The following OR52I1 variants were observed in gnomAD, a reference collection of about 807,000 sequenced individuals.
OR52I1 encodes olfactory receptor 52I1.
For missense variants in OR52I1, 342 were observed against 399.1 expected (o/e 0.86, Z 1.22); for synonymous variants, 148 against 152.4 (o/e 0.97, Z 0.21).
At position 4,594,373 on chromosome 11, in the gene OR52I1, C is replaced by T. The variant is rs550421961; in HGVS notation, c.335C>T (p.Thr112Ile). ...FTQMFFVHLATAVETGLLLTM... is the reference protein window; with the variant it reads ...FTQMFFVHLAIAVETGLLLTM... ...CAGATGTTTTTTGTCCACTTAGCCA[C>T]AGCTGTGGAGACGGGGCTGCTGCTG... Residue 112 changes from threonine (T) to isoleucine (I), a missense_variant, in exon 1 of 1, where the codon ACA (threonine) becomes ATA (isoleucine). Physicochemically the swap from Thr to Ile is moderately conservative, Grantham distance 89. Transcript: ENST00000530443. 6.2e-7 allele frequency: 1 copy of T among 1,614,188 alleles called. No individual in the cohort carries two copies. Among genetic ancestry groups the T allele is most frequent in the East Asian group, 2.2e-5 (1 of 44,872 alleles).
rs1248083732 is a variant in OR52I1, at chr11:4,594,397, T to C, written c.359T>C (p.Leu120Pro). ...LATAVETGLL[L>P]TMAFDRYVAI... ...ACAGCTGTGGAGACGGGGCTGCTGCTGACCATGGCTTTTGACCGCTATGTA... is the reference window on the plus strand; with the variant it reads ...ACAGCTGTGGAGACGGGGCTGCTGCCGACCATGGCTTTTGACCGCTATGTA... The change falls in exon 1 of 1, where the codon CTG becomes CCG. Residue 120 changes from leucine (L) to proline (P), a missense_variant. Physicochemically the swap from Leu to Pro is moderately conservative, Grantham distance 98 (BLOSUM62 -3). Transcript: ENST00000530443. The C allele has an allele frequency of 5.0e-6, 8 of 1,614,176 alleles. No individual in the cohort carries two copies. Among genetic ancestry groups the C allele is most frequent in the Admixed American group, 1.7e-5 (1 of 60,022 alleles).
chr11:4,594,935 G>C lies in OR52I1; in HGVS notation c.897G>C (p.Met299Ile), dbSNP rs1352663981. Residue 299 changes from methionine (M) to isoleucine (I), a missense_variant, in exon 1 of 1, where the codon ATG becomes ATC. Transcript: ENST00000530443. Reference sequence around the variant, plus strand: ...CTTTAAATCCCATCATCTATGGCATGAGGACCAAACAATTGCTGGAGGGAA... The same window carrying C: ...CTTTAAATCCCATCATCTATGGCATCAGGACCAAACAATTGCTGGAGGGAA... Reference protein sequence around the residue: ...PATLNPIIYGMRTKQLLEGIW... With the variant: ...PATLNPIIYGIRTKQLLEGIW... The C allele has an allele frequency of 6.2e-7, 1 of 1,614,200 alleles. No individual in the cohort carries two copies.
rs773567760 is a variant in OR52I1, at chr11:4,594,469, T to C, written c.431T>C (p.Val144Ala). Residue 144 changes from valine (V) to alanine (A), a missense_variant, in exon 1 of 1, where the codon GTG (valine) becomes GCG (alanine). Val to Ala is a moderately conservative substitution (Grantham distance 64). Coordinates refer to ENST00000530443, the MANE Select transcript of OR52I1 (RefSeq NM_001005169.1). ...TACAAGAGAATTCTCACGCCTCAAG[T>C]GATGCTGGGAATGAGTATGGCCGTC... The part of the protein sequence containing the change: ...LHYKRILTPQ[V>A]MLGMSMAVTI... 6 of 1,614,056 alleles carry C rather than the reference T, an allele frequency of 3.7e-6. No individual in the cohort carries two copies. In the Admixed American group the frequency reaches 6.7e-5, roughly 18 times the overall value.
At position 4,594,385 on chromosome 11, in the gene OR52I1, C is replaced by T. The variant is rs374480881; in HGVS notation, c.347C>T (p.Thr116Met). 41 of 1,613,950 alleles carry T rather than the reference C, an allele frequency of 2.5e-5. 1 individual carries two copies. Among genetic ancestry groups the T allele is most frequent in the South Asian group, 2.0e-4 (18 of 91,090 alleles). The change falls in exon 1 of 1, where the codon ACG becomes ATG. Residue 116 changes from threonine to methionine, a missense_variant. Coordinates refer to ENST00000530443, the MANE Select transcript of OR52I1 (RefSeq NM_001005169.1). ...FFVHLATAVE[T>M]GLLLTMAFDR... is the part of the protein sequence containing the mutation. The stretch of plus-strand genomic sequence containing the variant: ...GTCCACTTAGCCACAGCTGTGGAGA[C>T]GGGGCTGCTGCTGACCATGGCTTTT...
rs1382546892 is a variant in OR52I1 at position 4,594,732 on chromosome 11, C to A, written c.694C>A (p.Leu232Ile). 4.3e-6 allele frequency: 7 copies of A among 1,614,112 alleles called. No homozygotes were observed. Among genetic ancestry groups the A allele is most frequent in the South Asian group, 1.1e-5 (1 of 91,082 alleles). Residue 232 changes from leucine (L) to isoleucine (I), a missense_variant, in exon 1 of 1, where the codon CTC becomes ATC. By Grantham distance (5) the Leu-to-Ile change is conservative (BLOSUM62 2). Transcript: ENST00000530443. The stretch of plus-strand genomic sequence containing the variant: ...CTTAATTCTCAGGGCAGTATTTGAT[C>A]TCTCCTCAAAGACTGCTCAGTTGAA... The part of the protein sequence containing the change: ...YILILRAVFD[L>I]SSKTAQLKAL...
At position 4,594,299 on chromosome 11, in the gene OR52I1, C is replaced by A; in HGVS notation, c.261C>A (p.Ser87Arg). The A allele has an allele frequency of 6.2e-7, 1 of 1,614,142 alleles. No individual in the cohort carries two copies. The highest frequency in any genetic ancestry group is 8.5e-7 in the Non-Finnish European group (1 of 1,180,032). ...MASSVVPKMVSIFCSGDSSIS... is the reference protein window; with the variant it reads ...MASSVVPKMVRIFCSGDSSIS... ...CCTCCGTGGTACCCAAGATGGTGAG[C>A]ATCTTCTGCTCGGGAGACAGCTCCA... Residue 87 changes from serine to arginine, a missense_variant, in exon 1 of 1, where the codon AGC becomes AGA. Ser to Arg is a moderately radical substitution (Grantham distance 110). Transcript: ENST00000530443.
At position 4,594,841 on chromosome 11, in the gene OR52I1, T is replaced by G; in HGVS notation, c.803T>G (p.Leu268Trp). ...ATGGCATCCATCTATGCGGCCTGGT[T>G]GGGGCAGGATATAGTGCCCTTGCAC... ...PGMASIYAAWLGQDIVPLHTQ... is the reference protein window; with the variant it reads ...PGMASIYAAWWGQDIVPLHTQ... The change falls in exon 1 of 1, where the codon TTG (leucine) becomes TGG (tryptophan). Residue 268 changes from leucine (L) to tryptophan (W), a missense_variant. Coordinates refer to ENST00000530443, the MANE Select transcript of OR52I1 (RefSeq NM_001005169.1). 1.9e-6 allele frequency: 3 copies of G among 1,614,256 alleles called. No individual in the cohort carries two copies. Among genetic ancestry groups the G allele is most frequent in the Non-Finnish European group, 2.5e-6 (3 of 1,180,046 alleles).
Position 4,594,320 on chromosome 11 carries a change from C to G in OR52I1, c.282C>G (p.Ser94Arg). The G allele has an allele frequency of 6.2e-7, 1 of 1,614,214 alleles. No homozygotes were observed. Among genetic ancestry groups the G allele is most frequent in the Non-Finnish European group, 8.5e-7 (1 of 1,180,046 alleles). The change falls in exon 1 of 1, where the codon AGC (serine) becomes AGG (arginine). Residue 94 changes from serine to arginine, a missense_variant. Ser to Arg is a moderately radical substitution (Grantham distance 110). Transcript: ENST00000530443. The stretch of plus-strand genomic sequence containing the variant: ...TGAGCATCTTCTGCTCGGGAGACAG[C>G]TCCATCAGCTTTAGTGCTTGTTTCA... ...KMVSIFCSGDSSISFSACFTQ... is the reference protein window; with the variant it reads ...KMVSIFCSGDRSISFSACFTQ...
chr11:4,594,666 A>T lies in OR52I1; in HGVS notation c.628A>T (p.Met210Leu). The change falls in exon 1 of 1, where the codon ATG becomes TTG. Residue 210 changes from methionine to leucine, a missense_variant. Coordinates refer to ENST00000530443, the MANE Select transcript of OR52I1 (RefSeq NM_001005169.1). The stretch of plus-strand genomic sequence containing the variant: ...CTACAGTCTGATTGGTTCCTCTCTT[A>T]TGGTGGGCTCTGATGTGGCCTTCAT... ...SLYSLIGSSL[M>L]VGSDVAFIAA... The T allele has an allele frequency of 6.2e-7, 1 of 1,614,150 alleles. No homozygotes were observed. Among genetic ancestry groups the T allele is most frequent in the Non-Finnish European group, 8.5e-7 (1 of 1,180,014 alleles).
rs1428163916 is a variant in OR52I1, at chr11:4,594,836, C to T, written c.798C>T (p.Ala266=). 3 of 1,614,226 alleles carry T rather than the reference C, an allele frequency of 1.9e-6. No homozygotes were observed. The Admixed American group carries it at 5.0e-5, about 27-fold the overall frequency. Residue 266 remains alanine, a synonymous_variant, in exon 1 of 1, where the codon GCC becomes GCT. Transcript: ENST00000530443. ...YLPGMASIYA[A]WLGQDIVPLH... is the part of the protein sequence containing the mutation. Reference sequence around the variant, plus strand: ...CTGGGATGGCATCCATCTATGCGGCCTGGTTGGGGCAGGATATAGTGCCCT... The same window carrying T: ...CTGGGATGGCATCCATCTATGCGGCTTGGTTGGGGCAGGATATAGTGCCCT...
rs756125949 is a variant in OR52I1, at chr11:4,594,295, T to G, written c.257T>G (p.Val86Gly). Residue 86 changes from valine (V) to glycine (G), a missense_variant, in exon 1 of 1, where the codon GTG becomes GGG. By Grantham distance (109) the Val-to-Gly change is moderately radical (BLOSUM62 -3). Coordinates refer to ENST00000530443, the MANE Select transcript of OR52I1 (RefSeq NM_001005169.1). ...VMASSVVPKM[V>G]SIFCSGDSSI... ...GCCTCCTCCGTGGTACCCAAGATGG[T>G]GAGCATCTTCTGCTCGGGAGACAGC... 6.2e-7 allele frequency: 1 copy of G among 1,614,206 alleles called. No individual in the cohort carries two copies. Among genetic ancestry groups the G allele is most frequent in the Non-Finnish European group, 8.5e-7 (1 of 1,180,042 alleles).
At position 4,594,638 on chromosome 11, in the gene OR52I1, T is replaced by A. The variant is rs751369320; in HGVS notation, c.600T>A (p.Ser200Arg). Residue 200 changes from serine (S) to arginine (R), a missense_variant, in exon 1 of 1, where the codon AGT becomes AGA. Coordinates refer to ENST00000530443, the MANE Select transcript of OR52I1 (RefSeq NM_001005169.1). ...RLACADPVPSSLYSLIGSSLM... is the reference protein window; with the variant it reads ...RLACADPVPSRLYSLIGSSLM... ...CATGTGCTGACCCCGTGCCCAGCAG[T>A]CTCTACAGTCTGATTGGTTCCTCTC... 1.2e-6 allele frequency: 2 copies of A among 1,614,198 alleles called. No homozygotes were observed. The highest frequency in any genetic ancestry group is 3.3e-5 in the Admixed American group (2 of 60,024).
Position 4,594,706 on chromosome 11 carries a change from T to C in OR52I1, c.668T>C (p.Ile223Thr), listed in dbSNP as rs1233660025. The change falls in exon 1 of 1, where the codon ATC becomes ACC. Residue 223 changes from isoleucine to threonine, a missense_variant. By Grantham distance (89) the Ile-to-Thr change is moderately conservative. Coordinates refer to ENST00000530443, the MANE Select transcript of OR52I1 (RefSeq NM_001005169.1). ...SDVAFIAASY[I>T]LILRAVFDLS... ...GTGGCCTTCATTGCTGCCTCCTATATCTTAATTCTCAGGGCAGTATTTGAT... is the reference window on the plus strand; with the variant it reads ...GTGGCCTTCATTGCTGCCTCCTATACCTTAATTCTCAGGGCAGTATTTGAT... The C allele has an allele frequency of 3.1e-6, 5 of 1,614,038 alleles. No individual in the cohort carries two copies. Among genetic ancestry groups the C allele is most frequent in the Non-Finnish European group, 3.4e-6 (4 of 1,179,980 alleles).
chr11:4,594,131 G>T lies in OR52I1; in HGVS notation c.93G>T (p.Leu31=). The change falls in exon 1 of 1, where the codon CTG becomes CTT. Residue 31 remains leucine (L), a synonymous_variant. Coordinates refer to ENST00000530443, the MANE Select transcript of OR52I1 (RefSeq NM_001005169.1). ...GACTGCAATCTTCACATCTTTGGCT[G>T]GCTATCTCACTGAGTGCCATGTACA... ...IPGLQSSHLW[L]AISLSAMYIT... The T allele has an allele frequency of 6.2e-7, 1 of 1,613,976 alleles. No homozygotes were observed. The highest frequency in any genetic ancestry group is 8.5e-7 in the Non-Finnish European group (1 of 1,179,892).
In OR52I1 at chr11:4,594,800, G is replaced by C; in HGVS notation, c.762G>C (p.Leu254Phe). ...GCTCCCATGTGGGGGTTATGGCTTT[G>C]TACTATCTACCTGGGATGGCATCCA... ...TCGSHVGVMA[L>F]YYLPGMASIY... The change falls in exon 1 of 1, where the codon TTG becomes TTC. Residue 254 changes from leucine (L) to phenylalanine (F), a missense_variant. By Grantham distance (22) the Leu-to-Phe change is conservative (BLOSUM62 0). Transcript: ENST00000530443. The C allele has an allele frequency of 1.2e-6, 2 of 1,614,224 alleles. No homozygotes were observed. The highest frequency in any genetic ancestry group is 1.1e-5 in the South Asian group (1 of 91,086).
Position 4,594,209 on chromosome 11 carries a change from C to T in OR52I1, c.171C>T (p.Ser57=), listed in dbSNP as rs747125790. 4 of 1,614,034 alleles carry T rather than the reference C, an allele frequency of 2.5e-6. No individual in the cohort carries two copies. The Admixed American group carries it at 6.7e-5, about 27-fold the overall frequency. ...TCGTGACTGCAATCTGGATGGATTC[C>T]ACTCGGCATGAGCCCATGTATTGCT... ...TLIVTAIWMD[S]TRHEPMYCFL... The change falls in exon 1 of 1, where the codon TCC becomes TCT. Residue 57 remains serine (S), a synonymous_variant. Coordinates refer to ENST00000530443, the MANE Select transcript of OR52I1 (RefSeq NM_001005169.1).
At position 4,594,620 on chromosome 11, in the gene OR52I1, T is replaced by G. The variant is rs771289197; in HGVS notation, c.582T>G (p.Ala194=). 2.5e-6 allele frequency: 4 copies of G among 1,614,268 alleles called. No homozygotes were observed. ...KHIALARLAC[A]DPVPSSLYSL... is the part of the protein sequence containing the mutation. ...TAGCTTTGGCCAGGTTAGCATGTGC[T>G]GACCCCGTGCCCAGCAGTCTCTACA... is the stretch of plus-strand genomic sequence containing the variant. The change falls in exon 1 of 1, where the codon GCT becomes GCG. Residue 194 remains alanine, a synonymous_variant. Coordinates refer to ENST00000530443, the MANE Select transcript of OR52I1 (RefSeq NM_001005169.1).
chr11:4,594,092 T>C lies in OR52I1; in HGVS notation c.54T>C (p.Leu18=), dbSNP rs1846375294. The C allele has an allele frequency of 1.9e-6, 3 of 1,614,030 alleles. No individual in the cohort carries two copies. The highest frequency in any genetic ancestry group is 1.7e-5 in the Admixed American group (1 of 59,998). The change falls in exon 1 of 1, where the codon CTT becomes CTC. Residue 18 remains leucine, a synonymous_variant. Coordinates refer to ENST00000530443, the MANE Select transcript of OR52I1 (RefSeq NM_001005169.1). ...HTMETPASFL[L]VGIPGLQSSH... ...TGGAAACCCCTGCCTCCTTCCTCCT[T>C]GTGGGTATCCCAGGACTGCAATCTT...
rs61745326 is a variant in OR52I1, at chr11:4,594,193, C to T, written c.155C>T (p.Ala52Val). ...TTAGGAAACACCCTCATCGTGACTG[C>T]AATCTGGATGGATTCCACTCGGCAT... ...ALLGNTLIVT[A>V]IWMDSTRHEP... The change falls in exon 1 of 1, where the codon GCA becomes GTA. Residue 52 changes from alanine (A) to valine (V), a missense_variant. Ala to Val is a moderately conservative substitution (Grantham distance 64). Coordinates refer to ENST00000530443, the MANE Select transcript of OR52I1 (RefSeq NM_001005169.1). 2.7e-4 allele frequency: 431 copies of T among 1,614,038 alleles called. 1 individual carries two copies. The African/African-American group carries it at 4.8e-3, about 18-fold the overall frequency.
Sources: gnomAD v4.1 joint callset for allele counts on GRCh38, gnomAD v4.1.1 for gene constraint, MANE v1.5 for transcripts, NCBI Gene and HGNC (gene_info 2026-07-23, HGNC 2026-07-21) for gene names.